Variants in CFAP99 observed in about 807,000 individuals in gnomAD.
The protein encoded by CFAP99 is cilia- and flagella-associated protein 99.
CFAP99 carries 84 observed loss-of-function variants against 82.7 expected under a neutral mutation model. The observed-to-expected ratio is 1.02, with a 90% CI of 0.85 to 1.22. The LOEUF (loss-of-function observed/expected upper bound fraction) is 1.22. Among genes scored for constraint, CFAP99 ranks in the 50% most tolerant of loss-of-function variants. The pLI is 0.00. For synonymous variants in CFAP99, 456 were observed against 429.5 expected (o/e 1.06, Z -0.76); for missense variants, 1,059 against 983.5 (o/e 1.08, Z -1.03).
chr4:2,449,898 G>C, intron 7 of CFAP99, 36 bp from the exon 8 acceptor site: 2 of 1,536,012 alleles, frequency 1.3e-6, no homozygotes, highest in Non-Finnish European at 1.7e-6. Flanking sequence ...CTGGGCAGAG[G>C]CTGGTGGGAC....
intron 11 of CFAP99, among the ~76,000 whole-genome samples, chr4:2,454,581 C>CTTTTTTTTTT (rs200727697): frequency 1.1e-5 from 1 of 94,712 alleles, no homozygotes; most frequent in Non-Finnish European, 2.1e-5. Context: ...TGTTTTTTTT[C>CTTTTTTTTTT]TTTTTTTTTT....
At chr4:2,421,859 T>G (rs1474276392) in intron 1 of CFAP99, among the ~76,000 whole-genome samples, 1 of 143,834 alleles carries the variant, frequency 7.0e-6, no homozygotes, top group African/African-American at 2.6e-5. Flanking sequence ...CTGGGCAACA[T>G]AGTAAGACCC....
intron 14 of CFAP99, among the ~76,000 whole-genome samples, chr4:2,461,704 G>T (rs1390590164): frequency 3.3e-5 from 5 of 152,264 alleles, no homozygotes; most frequent in Non-Finnish European, 1.5e-5. Flanking sequence ...GGGTCGACCT[G>T]GACAGTCAGA....
intron 2 of CFAP99, chr4:2,427,184 T>C: frequency 6.4e-6 from 1 of 155,690 alleles, no homozygotes; most frequent in South Asian, 2.0e-4. Flanking sequence ...GCTCCTGTCC[T>C]CCCATCCCTG....
chr4:2,459,135 G>T, exon 13 of CFAP99: 1 of 1,532,266 alleles, frequency 6.5e-7, no homozygotes, highest in Non-Finnish European at 8.7e-7. Flanking sequence ...AGAGCAGGGG[G>T]CTGCTGCAGC....
intron 1 of CFAP99, 64 bp from the exon 2 acceptor site, chr4:2,426,395 C>T (rs1418123002): frequency 2.0e-6 from 2 of 1,022,222 alleles, no homozygotes; most frequent in Admixed American, 4.0e-5. Flanking sequence ...CCTGTCGCTG[C>T]TGGGGAGGGT....
At chr4:2,433,673 C>T (rs879346894) in intron 2 of CFAP99, among the ~76,000 whole-genome samples, 4 of 152,190 alleles carry the variant, frequency 2.6e-5, no homozygotes, top group South Asian at 2.1e-4. Flanking sequence ...CTCTGGCGAG[C>T]GCCCAGGTGG....
chr4:2,437,514 C>G (rs544807849), intron 3 of CFAP99, among the ~76,000 whole-genome samples: 1 of 152,152 alleles, frequency 6.6e-6, no homozygotes, highest in Non-Finnish European at 1.5e-5. Flanking sequence ...AGCCCTGAGA[C>G]CCTGCACAGG....
chr4:2,432,243 C>T (rs554937797), intron 2 of CFAP99, among the ~76,000 whole-genome samples: 1 of 152,332 alleles, frequency 6.6e-6, no homozygotes, highest in Admixed American at 6.5e-5. Flanking sequence ...GAAAGGCAAA[C>T]AGTATAAGGC....
chr4:2,438,197 A>G, intron 4 of CFAP99, 33 bp downstream of exon 4: 1 of 1,307,556 alleles, frequency 7.6e-7, no homozygotes, highest in Non-Finnish European at 1.1e-6. Context: ...CCAGGCCACG[A>G]GGCCCACGGG....
In CFAP99 at chr4:2,447,362, ATGGATGAT is replaced by A. The variant is rs1396353520; in HGVS notation, c.642+2068_642+2075del. Among the ~76,000 whole-genome samples the A allele has an allele frequency of 2.3e-3, 353 of 151,956 alleles. 2 individuals are homozygous for A. The highest frequency in any genetic ancestry group is 7.3e-3 in the African/African-American group (301 of 41,408). ...AGTGGATGGGTGGATGGGTGGATGG[ATGGATGAT>A]TGGATGATTGGATAGATGATCAAAT... is the stretch of plus-strand genomic sequence containing the variant. On this transcript the variant is annotated intron_variant, in intron 6 of 14. Transcript: ENST00000635017.
chr4:2,447,070 G>T (rs1279190609), intron 6 of CFAP99, among the ~76,000 whole-genome samples: 7 of 151,332 alleles, frequency 4.6e-5, no homozygotes, highest in African/African-American at 1.5e-4. Context: ...ATGGATAGAT[G>T]GATAGTCGGA....
exon 7 of CFAP99, chr4:2,449,747 C>T (rs571560052): frequency 1.4e-5 from 22 of 1,536,144 alleles, no homozygotes; most frequent in African/African-American, 1.1e-4. Context: ...GCCGAAAGGC[C>T]GAGGTGAGCT....
chr4:2,440,883 C>G (rs1344234966), intron 4 of CFAP99, among the ~76,000 whole-genome samples: 1 of 152,000 alleles, frequency 6.6e-6, no homozygotes, highest in African/African-American at 2.4e-5. Context: ...CGTCAGCCAC[C>G]GCGCCCGGCC....
chr4:2,459,179 G>A (rs934539413), exon 13 of CFAP99: 64 of 1,535,514 alleles, frequency 4.2e-5, no homozygotes, highest in Non-Finnish European at 5.4e-5. Flanking sequence ...GAGCAGCGGC[G>A]CCGTTGTGAA....
At chr4:2,437,848 T>G (rs1484565220) in intron 3 of CFAP99, among the ~76,000 whole-genome samples, 1 of 152,202 alleles carries the variant, frequency 6.6e-6, no homozygotes, top group African/African-American at 2.4e-5. Context: ...TGAGAACTTA[T>G]CAGATGGGAT....
At chr4:2,421,932 C>T (rs974839232) in intron 1 of CFAP99, among the ~76,000 whole-genome samples, 6 of 151,910 alleles carry the variant, frequency 3.9e-5, no homozygotes, top group African/African-American at 1.5e-4. Flanking sequence ...TAGTACATGC[C>T]TAGAGTCCCA....
chr4:2,451,423 GC>G lies in CFAP99; in HGVS notation c.956+73del. 7 of 1,460,878 alleles carry G rather than the reference GC, an allele frequency of 4.8e-6. No homozygotes were observed. The South Asian group carries it at 8.6e-5, about 18-fold the overall frequency. 90.5% of individuals were successfully genotyped at this position (1,460,878 alleles called of 1,614,324 possible). ...TTGAGAGGAAAGGCTCAGAGGAGGG[GC>G]CTGGGGGCTGGGCAGCTCAGTGGAG... On this transcript the variant is annotated intron_variant, in intron 10 of 14. Coordinates refer to ENST00000635017, the Ensembl canonical transcript of CFAP99.
exon 13 of CFAP99, chr4:2,459,114 G>A: frequency 6.6e-7 from 1 of 1,516,378 alleles, no homozygotes; most frequent in Non-Finnish European, 8.8e-7. Context: ...AAGTTCAGGA[G>A]GCGATCGAGG....
Sources: allele counts gnomAD v4.1 joint callset (sites outside exome capture counted in the v4.1 genomes callset), GRCh38; gene constraint gnomAD v4.1.1; transcripts MANE v1.5; gene names NCBI Gene and HGNC (gene_info 2026-07-23, HGNC 2026-07-21).